Variants in ZBTB20 observed in about 807,000 individuals in gnomAD.
ZBTB20 encodes zinc finger and BTB domain-containing protein 20.
ZBTB20 carries 9 observed loss-of-function variants against 56.9 expected under a neutral mutation model. The ratio of observed to expected loss-of-function variants is 0.16; its 90% CI spans 0.10 to 0.28. The LOEUF (loss-of-function observed/expected upper bound fraction) is 0.28, where lower values mean the gene tolerates loss of function less well. Among genes scored for constraint, ZBTB20 ranks in the 10% least tolerant of loss-of-function variants. ZBTB20 has a pLI of 1.00. For synonymous variants in ZBTB20, 417 were observed against 420.7 expected, an observed-to-expected ratio of 0.99 and a Z score of 0.11; for missense variants, 655 against 1,003.0, an observed-to-expected ratio of 0.65 and a Z score of 4.69.
At chr3:115,113,607 C>G (rs2083939693) in intron 1 of ZBTB20, among the ~76,000 whole-genome samples, 1 of 152,194 alleles carries the variant, frequency 6.6e-6, no homozygotes, top group African/African-American at 2.4e-5. Context: ...ACAGCAGCCA[C>G]CACAAGTGAC....
At chr3:114,607,554 C>A (rs535536560) in intron 6 of ZBTB20, among the ~76,000 whole-genome samples, 1 of 152,030 alleles carries the variant, frequency 6.6e-6, no homozygotes, top group Non-Finnish European at 1.5e-5. Flanking sequence ...CCACCCGCCT[C>A]GGCCTCCCAA....
rs567787629 is a variant in ZBTB20 at position 114,323,616 on chromosome 3, T to C, written c.*15389A>G. 1 of 152,232 alleles carries C rather than the reference T, an allele frequency of 6.6e-6. No individual in the cohort carries two copies. Among genetic ancestry groups the C allele is most frequent in the South Asian group, 2.1e-4 (1 of 4,836 alleles). 9.4% of individuals were successfully genotyped at this position (152,232 alleles called of 1,614,324 possible). The stretch of plus-strand genomic sequence containing the variant: ...GCAAAGACTTCTACATCATATCAAT[T>C]GGCTTCTTCACTGTTAAAACTCTTA... On this transcript the variant is annotated 3_prime_UTR_variant, in exon 12 of 12. Transcript: ENST00000675478.
At chr3:114,637,010 G>T (rs1255837247) in intron 6 of ZBTB20, among the ~76,000 whole-genome samples, 8 of 151,964 alleles carry the variant, frequency 5.3e-5, no homozygotes, top group Non-Finnish European at 1.2e-4. Context: ...CCAAGCAAAC[G>T]ATAACCAAAA....
rs186364439 is a variant in ZBTB20, at chr3:115,108,385, T to C, written c.-702-36971A>G. Reference sequence around the variant, plus strand: ...GAGAGTGAGGCATGAATATTTCTTGTGGGGTTAAACTGTACTACATAAAAA... The same window carrying C: ...GAGAGTGAGGCATGAATATTTCTTGCGGGGTTAAACTGTACTACATAAAAA... On this transcript the variant is annotated intron_variant, in intron 1 of 11. Transcript: ENST00000675478. 3.1e-3 allele frequency among the ~76,000 whole-genome samples: 477 copies of C among 152,238 alleles called. 1 individual carries two copies. The highest frequency in any genetic ancestry group is 0.011 in the African/African-American group (454 of 41,552).
intron 5 of ZBTB20, among the ~76,000 whole-genome samples, chr3:114,752,191 G>T (rs950005394): frequency 3.9e-5 from 6 of 152,118 alleles, no homozygotes; most frequent in Non-Finnish European, 7.4e-5. Context: ...ATTTGGTAAA[G>T]ATCACACAGA....
intron 2 of ZBTB20, among the ~76,000 whole-genome samples, chr3:114,988,937 T>C (rs572421164): frequency 6.6e-6 from 1 of 152,336 alleles, no homozygotes; most frequent in Non-Finnish European, 1.5e-5. Context: ...CGCCCAGTTT[T>C]TGATGGAGTT....
At chr3:114,825,190 A>AT (rs1328884607) in intron 4 of ZBTB20, among the ~76,000 whole-genome samples, 1 of 151,888 alleles carries the variant, frequency 6.6e-6, no homozygotes, top group African/African-American at 2.4e-5. Context: ...GACTTGCTTG[A>AT]TTTTAGAATT....
chr3:114,555,284 G>A (rs148157925), intron 6 of ZBTB20, among the ~76,000 whole-genome samples: 4 of 152,082 alleles, frequency 2.6e-5, no homozygotes, highest in East Asian at 1.9e-4. Flanking sequence ...GATTCTTTTC[G>A]TCACTTTTTA....
chr3:114,432,493 G>T (rs1386045230), intron 7 of ZBTB20, among the ~76,000 whole-genome samples: 6 of 152,166 alleles, frequency 3.9e-5, no homozygotes, highest in Non-Finnish European at 7.3e-5. Flanking sequence ...AGTCAAGATG[G>T]CCTGCCACAG....
chr3:114,574,090 A>G (rs1251970625), intron 6 of ZBTB20, among the ~76,000 whole-genome samples: 2 of 152,192 alleles, frequency 1.3e-5, no homozygotes, highest in Non-Finnish European at 2.9e-5. Context: ...ACTTTTCCTA[A>G]TAAAATATTG....
intron 4 of ZBTB20, among the ~76,000 whole-genome samples, chr3:114,867,760 T>C (rs2075826018): frequency 6.6e-6 from 1 of 152,152 alleles, no homozygotes; most frequent in African/African-American, 2.4e-5. Flanking sequence ...ATACATACTT[T>C]GTTTCCAGCT....
chr3:114,909,092 A>G (rs930297238), intron 3 of ZBTB20, among the ~76,000 whole-genome samples: 3 of 152,132 alleles, frequency 2.0e-5, no homozygotes, highest in African/African-American at 7.2e-5. Flanking sequence ...CCTTCAGGGA[A>G]TATTTCAGAA....
chr3:114,493,192 G>T (rs1224741895), intron 7 of ZBTB20, among the ~76,000 whole-genome samples: 6 of 152,056 alleles, frequency 3.9e-5, no homozygotes, highest in Non-Finnish European at 8.8e-5. Flanking sequence ...ACCAGTTATT[G>T]TATGCATCAA....
chr3:114,629,920 G>A (rs150205861), intron 6 of ZBTB20, among the ~76,000 whole-genome samples: 96 of 152,238 alleles, frequency 6.3e-4, no homozygotes, highest in Middle Eastern at 3.4e-3. Flanking sequence ...ACTTAGGGCC[G>A]AGGTGGGTCT....
intron 1 of ZBTB20, among the ~76,000 whole-genome samples, chr3:115,079,312 G>A (rs2082708814): frequency 6.6e-6 from 1 of 152,096 alleles, no homozygotes; most frequent in Non-Finnish European, 1.5e-5. Flanking sequence ...CAGAAGTAAT[G>A]GAAATATGTG....
At chr3:115,116,488 T>C (rs765279597) in intron 1 of ZBTB20, among the ~76,000 whole-genome samples, 1 of 152,046 alleles carries the variant, frequency 6.6e-6, no homozygotes, top group Non-Finnish European at 1.5e-5. Context: ...AGGTTACTTA[T>C]CCATGAGTCT....
chr3:114,889,342 G>A (rs2076721106), intron 4 of ZBTB20, among the ~76,000 whole-genome samples: 1 of 151,816 alleles, frequency 6.6e-6, no homozygotes. Flanking sequence ...TTTAACTTAA[G>A]AGTTGTGCAT....
At chr3:114,405,256 A>G (rs538332096) in intron 7 of ZBTB20, among the ~76,000 whole-genome samples, 2 of 152,306 alleles carry the variant, frequency 1.3e-5, no homozygotes, top group South Asian at 4.2e-4. Context: ...GTCATTGGAT[A>G]TAGCAACATA....
chr3:114,708,812 C>T (rs2063872970), intron 5 of ZBTB20, among the ~76,000 whole-genome samples: 2 of 152,042 alleles, frequency 1.3e-5, no homozygotes, highest in African/African-American at 4.8e-5. Flanking sequence ...GCAAAAAGAC[C>T]AGAAAACACT....
Sources: allele counts gnomAD v4.1 joint callset (sites outside exome capture counted in the v4.1 genomes callset), GRCh38; gene constraint gnomAD v4.1.1; transcripts MANE v1.5; gene names NCBI Gene and HGNC (gene_info 2026-07-23, HGNC 2026-07-21).